Variants in XPO4 observed in about 807,000 individuals in gnomAD.
XPO4 encodes the protein exportin-4.
Under a neutral mutation model 143.0 loss-of-function variants are expected in XPO4, and 39 were observed. The ratio of observed to expected loss-of-function variants is 0.27; its 90% CI spans 0.21 to 0.36. The LOEUF (loss-of-function observed/expected upper bound fraction) is 0.36, where lower values mean the gene tolerates loss of function less well. XPO4 is among the 10% of genes least tolerant of loss of function. The pLI is 1.00. For missense variants in XPO4, 907 were observed against 1,348.0 expected, an observed-to-expected ratio of 0.67 and a Z score of 5.12; for synonymous variants, 439 against 474.0, an observed-to-expected ratio of 0.93 and a Z score of 0.96.
At chr13:20,823,132 C>T (rs1026081131) in intron 7 of XPO4, among the ~76,000 whole-genome samples, 1 of 152,174 alleles carries the variant, frequency 6.6e-6, no homozygotes, top group Non-Finnish European at 1.5e-5. Context: ...CCATCCAACA[C>T]TTACTGTTGG....
At chr13:20,899,793 T>C (rs564024949) in intron 1 of XPO4, among the ~76,000 whole-genome samples, 2 of 152,308 alleles carry the variant, frequency 1.3e-5, no homozygotes, top group African/African-American at 4.8e-5. Context: ...TCAAAGCATA[T>C]TAACAGTTAA....
Position 20,803,461 on chromosome 13 carries a change from C to T in XPO4, c.1818-2471G>A, listed in dbSNP as rs2059462387. Among the ~76,000 whole-genome samples, 1 of 152,174 alleles carries T rather than the reference C, an allele frequency of 6.6e-6. No individual in the cohort carries two copies. The highest frequency in any genetic ancestry group is 2.4e-5 in the African/African-American group (1 of 41,446). On this transcript the variant is annotated intron_variant, in intron 13 of 22. Coordinates refer to ENST00000255305, the MANE Select transcript of XPO4 (RefSeq NM_022459.5). The surrounding 1 kb of genome is among the most constrained non-coding windows in gnomAD (Gnocchi z 4.1). ...GAGTCAGGCAGGTCCAGGGGAGGCA[C>T]CCAGGGGCCTTTCTTCTACCTCAGA...
intron 1 of XPO4, among the ~76,000 whole-genome samples, chr13:20,891,555 A>AT (rs949327228): frequency 1.1e-4 from 17 of 152,034 alleles, no homozygotes; most frequent in Admixed American, 4.6e-4. Context: ...TTATTTCTCT[A>AT]TTTTTTTAAA....
intron 3 of XPO4, 34 bp from the exon 4 acceptor site, chr13:20,855,799 CCTAAAT>C: frequency 6.5e-7 from 1 of 1,546,906 alleles, no homozygotes; most frequent in East Asian, 2.3e-5. Flanking sequence ...GAAAAATTTA[CCTAAAT>C]CTAATACAAG....
chr13:20,795,869 G>A (rs373010297), intron 18 of XPO4, among the ~76,000 whole-genome samples: 1 of 152,174 alleles, frequency 6.6e-6, no homozygotes, highest in Non-Finnish European at 1.5e-5. Flanking sequence ...CTCAATGAAT[G>A]AGAGATACTA....
chr13:20,844,900 A>G (rs777524366), intron 4 of XPO4, among the ~76,000 whole-genome samples: 3 of 152,246 alleles, frequency 2.0e-5, no homozygotes, highest in South Asian at 2.1e-4. Flanking sequence ...GGCCGGACAC[A>G]GTGGCTCATG....
At chr13:20,800,517 A>AT (rs2059418276) in intron 14 of XPO4, among the ~76,000 whole-genome samples, 192 bp from the exon 15 acceptor site, 1 of 152,186 alleles carries the variant, frequency 6.6e-6, no homozygotes, top group African/African-American at 2.4e-5. Flanking sequence ...TTCCAGTGTG[A>AT]TTTTCCCGTC....
At chr13:20,811,480 G>C (rs535899691) in intron 9 of XPO4, among the ~76,000 whole-genome samples, 2 of 152,016 alleles carry the variant, frequency 1.3e-5, no homozygotes, top group South Asian at 4.2e-4. Flanking sequence ...TAGAGACGGG[G>C]TTTTGCCATG....
chr13:20,808,904 G>C (rs1182514807), intron 11 of XPO4, among the ~76,000 whole-genome samples, 179 bp downstream of exon 11: 1 of 152,140 alleles, frequency 6.6e-6, no homozygotes, highest in Admixed American at 6.5e-5. Flanking sequence ...ATGCTGTAGT[G>C]CCTGGGCTCC....
intron 15 of XPO4, 59 bp from the exon 16 acceptor site, chr13:20,799,398 C>A (rs1017805920): frequency 2.0e-5 from 26 of 1,325,492 alleles, no homozygotes; most frequent in Non-Finnish European, 2.4e-5. Context: ...TACACACATA[C>A]ACATATACAC....
intron 9 of XPO4, among the ~76,000 whole-genome samples, chr13:20,814,217 T>C (rs977749392): frequency 1.3e-5 from 2 of 148,216 alleles, no homozygotes; most frequent in African/African-American, 5.0e-5. Flanking sequence ...AAAAGCAGGA[T>C]ATTTTCTAAG....
chr13:20,858,466 G>T lies in XPO4; in HGVS notation c.318-2701C>A, dbSNP rs1029099048. ...CATATACATAAGAGAGAAATTAAATGTGACAAAATGTTAACTGAGCCTCTA... is the reference window on the plus strand; with the variant it reads ...CATATACATAAGAGAGAAATTAAATTTGACAAAATGTTAACTGAGCCTCTA... On this transcript the variant is annotated intron_variant, in intron 3 of 22. Transcript: ENST00000255305. Among the ~76,000 whole-genome samples the T allele has an allele frequency of 2.6e-5, 4 of 152,228 alleles. No individual in the cohort carries two copies. In the East Asian group the frequency reaches 5.8e-4, roughly 22 times the overall value.
chr13:20,823,517 C>A (rs2059745316), intron 7 of XPO4, among the ~76,000 whole-genome samples: 1 of 151,422 alleles, frequency 6.6e-6, no homozygotes, highest in African/African-American at 2.4e-5. Context: ...AGCCCATAAG[C>A]CAAATTTGGC....
At chr13:20,810,666 G>C (rs1344795053) in intron 9 of XPO4, among the ~76,000 whole-genome samples, 1 of 152,170 alleles carries the variant, frequency 6.6e-6, no homozygotes, top group Non-Finnish European at 1.5e-5. Flanking sequence ...GAGACAAGTA[G>C]ATAAGATTAG....
rs1350450278 is a variant in XPO4, at chr13:20,821,836, A to G, written c.1041T>C (p.Ile347=). Residue 347 remains isoleucine (I), a synonymous_variant, in exon 9 of 23, where the codon ATT becomes ATC. Coordinates refer to ENST00000255305, the MANE Select transcript of XPO4 (RefSeq NM_022459.5). The part of the protein sequence containing the change: ...EDSEAVGISS[I]ISNLITVFPR... ...GGAACACGGTTATCAGGTTGCTGAT[A>G]ATGCTGGAGATCCCCACAGCTTCAG... 1.2e-6 allele frequency: 2 copies of G among 1,614,040 alleles called. No homozygotes were observed. Among genetic ancestry groups the G allele is most frequent in the South Asian group, 1.1e-5 (1 of 91,046 alleles).
intron 1 of XPO4, among the ~76,000 whole-genome samples, chr13:20,874,225 GA>G (rs1034140593): frequency 3.2e-4 from 48 of 152,188 alleles, no homozygotes; most frequent in African/African-American, 1.0e-3. Context: ...TAAAAAACAC[GA>G]AAATGTGAGA....
intron 1 of XPO4, among the ~76,000 whole-genome samples, chr13:20,893,920 T>C (rs1179171383): frequency 1.3e-5 from 2 of 152,194 alleles, no homozygotes; most frequent in East Asian, 3.9e-4. Context: ...CTTGGCTCAC[T>C]GCATTCTCCG....
At chr13:20,837,467 G>A (rs758509422) in intron 6 of XPO4, among the ~76,000 whole-genome samples, 8 of 151,766 alleles carry the variant, frequency 5.3e-5, no homozygotes, top group African/African-American at 1.2e-4. Context: ...GTGCAATGGC[G>A]TAATCTCAGC....
intron 6 of XPO4, 37 bp from the exon 7 acceptor site, chr13:20,827,216 T>C: frequency 7.0e-7 from 1 of 1,430,248 alleles, no homozygotes; most frequent in Non-Finnish European, 9.9e-7. Flanking sequence ...ATAACATTCT[T>C]ACTTTGTCTA....
Sources: allele counts gnomAD v4.1 joint callset (sites outside exome capture counted in the v4.1 genomes callset), GRCh38; gene constraint gnomAD v4.1.1; non-coding constraint Gnocchi (gnomAD v3.1); transcripts MANE v1.5; gene names NCBI Gene and HGNC (gene_info 2026-07-23, HGNC 2026-07-21).